TBCK: variants seen among roughly 807,000 people sequenced by gnomAD.
The protein encoded by TBCK is TBC domain-containing protein kinase-like protein.
Under a neutral mutation model 113.4 loss-of-function variants are expected in TBCK, and 99 were observed. That is an observed-to-expected ratio of 0.87 (90% CI 0.74 to 1.03). TBCK has a LOEUF of 1.03. Ranked by LOEUF, TBCK falls within the 50% of genes least tolerant of loss-of-function variation. TBCK has a pLI of 0.00. For missense variants in TBCK, 1,045 were observed against 1,061.3 expected, an observed-to-expected ratio of 0.98 and a Z score of 0.21; for synonymous variants, 369 against 370.8, an observed-to-expected ratio of 1.00 and a Z score of 0.05.
intron 24 of TBCK, among the ~76,000 whole-genome samples, chr4:106,099,223 G>C (rs953110692): frequency 1.3e-5 from 2 of 152,028 alleles, no homozygotes; most frequent in Admixed American, 1.3e-4. Flanking sequence ...AAAAAGATTT[G>C]AAAATTCCTT....
chr4:106,166,403 AG>A (rs1193649141), intron 23 of TBCK, among the ~76,000 whole-genome samples: 1 of 151,866 alleles, frequency 6.6e-6, no homozygotes, highest in Non-Finnish European at 1.5e-5. Context: ...TATGTAAAAG[AG>A]GTAATTCCTT....
chr4:106,302,937 A>C (rs1767102723), intron 2 of TBCK, among the ~76,000 whole-genome samples: 3 of 152,250 alleles, frequency 2.0e-5, no homozygotes, highest in Non-Finnish European at 4.4e-5. Context: ...TTTTTGAACA[A>C]AAATTAACTC....
At chr4:106,065,552 C>A (rs1736544366) in intron 25 of TBCK, among the ~76,000 whole-genome samples, 1 of 151,964 alleles carries the variant, frequency 6.6e-6, no homozygotes, top group African/African-American at 2.4e-5. Flanking sequence ...ATTTGTTTGG[C>A]TTGTCAAATT....
rs538410002 is a variant in TBCK, at chr4:106,098,817, C to T, written c.2412-3176G>A. 4.6e-5 allele frequency among the ~76,000 whole-genome samples: 7 copies of T among 152,040 alleles called. No individual in the cohort carries two copies. In the South Asian group the frequency reaches 1.0e-3, roughly 23 times the overall value. On this transcript the variant is annotated intron_variant, in intron 24 of 25. Coordinates refer to ENST00000394708, the MANE Select transcript of TBCK (RefSeq NM_001163435.3). The stretch of plus-strand genomic sequence containing the variant: ...ACCCTGTCTTGGAGTAAGTTGTACC[C>T]CTCCCTGCAAATAAGCCATTCAGCT...
intron 12 of TBCK, 34 bp downstream of exon 12, chr4:106,242,436 A>G: frequency 2.0e-6 from 3 of 1,520,718 alleles, no homozygotes; most frequent in Non-Finnish European, 1.8e-6. Context: ...AAAGAAAAAA[A>G]CCTAAAGCAG....
intron 12 of TBCK, chr4:106,238,483 T>A (rs1436306519): frequency 3.9e-5 from 6 of 151,994 alleles, no homozygotes. Flanking sequence ...CATAATGGGA[T>A]AAGGGTTTGG....
At chr4:106,094,822 G>A (rs953662596) in intron 25 of TBCK, among the ~76,000 whole-genome samples, 2 of 152,190 alleles carry the variant, frequency 1.3e-5, no homozygotes, top group Non-Finnish European at 1.5e-5. Context: ...CCCTTTTAGA[G>A]AAAGATCCTG....
At chr4:106,224,943 A>G (rs1426563793) in intron 19 of TBCK, among the ~76,000 whole-genome samples, 1 of 152,146 alleles carries the variant, frequency 6.6e-6, no homozygotes, top group African/African-American at 2.4e-5. Flanking sequence ...GAAACCCCCT[A>G]AACTTCTTGC....
intron 20 of TBCK, among the ~76,000 whole-genome samples, chr4:106,201,861 ATATGCC>A (rs1266417661): frequency 6.6e-6 from 1 of 152,074 alleles, no homozygotes; most frequent in Non-Finnish European, 1.5e-5. Flanking sequence ...TTAAATTATT[ATATGCC>A]TTCTCTGTAA....
intron 2 of TBCK, among the ~76,000 whole-genome samples, chr4:106,302,265 A>G (rs1396719132): frequency 6.6e-6 from 1 of 152,202 alleles, no homozygotes; most frequent in Non-Finnish European, 1.5e-5. Context: ...ACAGCAATAT[A>G]GTGGACAGGG....
intron 19 of TBCK, among the ~76,000 whole-genome samples, chr4:106,216,522 T>C (rs1400412627): frequency 6.6e-6 from 1 of 151,534 alleles, no homozygotes; most frequent in Non-Finnish European, 1.5e-5. Context: ...CAATAAAAAA[T>C]GATAAAGGGG....
At chr4:106,311,896 C>A (rs1207004942) in intron 1 of TBCK, among the ~76,000 whole-genome samples, 5 of 152,094 alleles carry the variant, frequency 3.3e-5, no homozygotes, top group Admixed American at 3.3e-4. Context: ...ATAACCTCAA[C>A]TTCTACTGAT....
intron 24 of TBCK, among the ~76,000 whole-genome samples, chr4:106,107,524 C>A (rs907994209): frequency 4.8e-4 from 73 of 152,146 alleles, no homozygotes; most frequent in African/African-American, 1.7e-3. Flanking sequence ...AAACAACATG[C>A]TCCCGATTGA....
intron 2 of TBCK, among the ~76,000 whole-genome samples, chr4:106,303,661 A>C (rs1767193779): frequency 6.6e-6 from 1 of 152,140 alleles, no homozygotes; most frequent in Non-Finnish European, 1.5e-5. Context: ...AGACAACCTC[A>C]TTATACCCCA....
intron 24 of TBCK, among the ~76,000 whole-genome samples, chr4:106,104,371 C>T (rs1741899054): frequency 6.6e-6 from 1 of 152,252 alleles, no homozygotes; most frequent in Admixed American, 6.5e-5. Context: ...TGTTCAGACA[C>T]CTTAGCCATT....
Position 106,171,244 on chromosome 4 carries a change from C to A in TBCK, c.2086G>T (p.Glu696Ter), listed in dbSNP as rs372084821. The A allele has an allele frequency of 1.2e-6, 2 of 1,609,114 alleles. No individual in the cohort carries two copies. The highest frequency in any genetic ancestry group is 1.7e-6 in the Non-Finnish European group (2 of 1,178,286). The change falls in exon 23 of 26, where the codon GAA (glutamate) becomes TAA (stop). Residue 696 changes from glutamate to a stop codon, truncating the protein, a stop_gained. Coordinates refer to ENST00000394708, the MANE Select transcript of TBCK (RefSeq NM_001163435.3). LOFTEE classifies it high-confidence loss of function. ...PEIDIERCVRESINLFCWTPK... is the reference protein window; with the variant it reads ...PEIDIERCVR Reference sequence around the variant, plus strand: ...GTCCAACAAAACAGGTTGATAGATTCTCTCACACAGCGTTCAATGTCAATT... The same window carrying A: ...GTCCAACAAAACAGGTTGATAGATTATCTCACACAGCGTTCAATGTCAATT...
intron 22 of TBCK, among the ~76,000 whole-genome samples, chr4:106,184,042 C>G (rs1418603419): frequency 1.3e-5 from 2 of 151,968 alleles, no homozygotes; most frequent in African/African-American, 4.8e-5. Context: ...ATTTTTATGA[C>G]AGCCTAACTT....
rs1006528970 is a variant in TBCK, at chr4:106,043,982, C to A, written c.*2588G>T. On this transcript the variant is annotated 3_prime_UTR_variant, in exon 26 of 26. Coordinates refer to ENST00000394708, the MANE Select transcript of TBCK (RefSeq NM_001163435.3). ...GTATAAACATGGCAGTGATAGTGTG[C>A]TCTTACTTTACTGTTGAGAATATTA... 12 of 152,102 alleles carry A rather than the reference C, an allele frequency of 7.9e-5. No homozygotes were observed. Among genetic ancestry groups the A allele is most frequent in the Admixed American group, 7.9e-4 (12 of 15,262 alleles). The allele number at this position is 152,102 out of a possible 1,614,324, so 9.4% of individuals were successfully genotyped here. A position where few individuals can be genotyped will look rare whatever the true frequency, so the allele number is the denominator to read the frequency against.
chr4:106,123,131 T>C (rs1445442243), intron 23 of TBCK, among the ~76,000 whole-genome samples: 3 of 152,154 alleles, frequency 2.0e-5, no homozygotes, highest in East Asian at 1.9e-4. Context: ...AAAACCCCAT[T>C]GTCTCAGCCC....
Sources: gnomAD v4.1 joint callset for allele counts (sites outside exome capture counted in the v4.1 genomes callset) on GRCh38, gnomAD v4.1.1 for gene constraint, MANE v1.5 for transcripts, NCBI Gene and HGNC (gene_info 2026-07-23, HGNC 2026-07-21) for gene names.